Variants in AGMO observed in about 807,000 individuals in gnomAD.
AGMO encodes alkylglycerol monooxygenase, also known as glyceryl-ether monooxygenase.
In AGMO, 75 loss-of-function variants were observed where a neutral mutation model predicts 60.2. The ratio of observed to expected loss-of-function variants is 1.25; its 90% CI spans 1.03 to 1.51. The LOEUF (loss-of-function observed/expected upper bound fraction) is 1.51, where lower values mean the gene tolerates loss of function less well. AGMO is among the 40% of genes most tolerant of loss of function. The pLI, the probability that AGMO is intolerant of heterozygous loss-of-function variation, is 0.00. For synonymous variants in AGMO, 261 were observed against 177.1 expected, an observed-to-expected ratio of 1.47 and a Z score of -3.76; for missense variants, 763 against 525.5, an observed-to-expected ratio of 1.45 and a Z score of -4.42.
intron 12 of AGMO, among the ~76,000 whole-genome samples, chr7:15,332,922 C>A (rs1322548219): frequency 6.6e-6 from 1 of 152,018 alleles, no homozygotes. Flanking sequence ...TTTCATGATG[C>A]TTCCTGGGCA....
intron 12 of AGMO, among the ~76,000 whole-genome samples, chr7:15,241,226 C>A (rs573646416): frequency 6.6e-6 from 1 of 151,558 alleles, no homozygotes; most frequent in East Asian, 1.9e-4. Context: ...TTTGGGAGGC[C>A]GAGGCGGGCG....
the AGMO span, among the ~76,000 whole-genome samples, chr7:15,190,335 A>G: frequency 0.058 from 8,786 of 151,074 alleles, 836 homozygotes; most frequent in African/African-American, 0.2. Context: ...CCAAAAGAAT[A>G]AAAGGAAGGC....
intron 12 of AGMO, among the ~76,000 whole-genome samples, chr7:15,303,468 A>C (rs1395215822): frequency 6.6e-6 from 1 of 151,960 alleles, no homozygotes; most frequent in Admixed American, 6.6e-5. Context: ...GGTGGTGAAC[A>C]TCTGGGGTGG....
the AGMO span, among the ~76,000 whole-genome samples, chr7:15,133,666 T>C: frequency 2.0e-5 from 3 of 152,172 alleles, no homozygotes; most frequent in African/African-American, 7.2e-5. Context: ...ACGCAGAGGA[T>C]GGTGATATAT....
chr7:15,391,002 G>C (rs988227673), intron 6 of AGMO, 97 bp from the exon 7 acceptor site: 12 of 737,516 alleles, frequency 1.6e-5, no homozygotes, highest in Non-Finnish European at 2.6e-5. Flanking sequence ...ATAAAATTCA[G>C]ATTTAAACAG....
chr7:15,240,237 G>A (rs1404486724), intron 12 of AGMO, among the ~76,000 whole-genome samples: 4 of 152,126 alleles, frequency 2.6e-5, no homozygotes, highest in Non-Finnish European at 4.4e-5. Context: ...GACAAGTTAA[G>A]TTTGAATTGT....
intron 5 of AGMO, among the ~76,000 whole-genome samples, chr7:15,413,686 C>T (rs1780677492): frequency 6.6e-6 from 1 of 151,566 alleles, no homozygotes; most frequent in Non-Finnish European, 1.5e-5. Flanking sequence ...GAAAAAAATG[C>T]AACAAAGGAA....
At chr7:15,478,537 A>G (rs964719163) in intron 3 of AGMO, among the ~76,000 whole-genome samples, 1 of 152,150 alleles carries the variant, frequency 6.6e-6, no homozygotes, top group African/African-American at 2.4e-5. Flanking sequence ...TGTGCTCACA[A>G]TGTGGCTGTG....
At chr7:15,320,025 C>T (rs1034067006) in intron 12 of AGMO, among the ~76,000 whole-genome samples, 3 of 151,878 alleles carry the variant, frequency 2.0e-5, no homozygotes, top group East Asian at 1.9e-4. Context: ...AAACCAAACA[C>T]CGCATGTTGT....
chr7:15,382,043 G>A (rs1253238919), intron 10 of AGMO, among the ~76,000 whole-genome samples: 1 of 151,962 alleles, frequency 6.6e-6, no homozygotes, highest in Non-Finnish European at 1.5e-5. Context: ...GTGGGAGGAG[G>A]AAGAGGATTT....
intron 3 of AGMO, among the ~76,000 whole-genome samples, chr7:15,497,776 A>G (rs1783271157): frequency 6.6e-6 from 1 of 152,076 alleles, no homozygotes; most frequent in South Asian, 2.1e-4. Context: ...AAGCCTACAA[A>G]AATCAACATA....
intron 2 of AGMO, among the ~76,000 whole-genome samples, chr7:15,550,427 A>C (rs2115295907): frequency 6.6e-6 from 1 of 152,306 alleles, no homozygotes; most frequent in African/African-American, 2.4e-5. Flanking sequence ...TAGCAAGACT[A>C]ATAAAGAAGA....
intron 12 of AGMO, among the ~76,000 whole-genome samples, chr7:15,221,670 T>C (rs555845686): frequency 2.0e-5 from 3 of 152,266 alleles, no homozygotes; most frequent in South Asian, 4.1e-4. Context: ...AAAATGAGCA[T>C]ATGGAAGCTC....
the AGMO span, among the ~76,000 whole-genome samples, chr7:15,191,917 G>A: frequency 2.0e-5 from 3 of 151,698 alleles, no homozygotes; most frequent in Admixed American, 2.0e-4. Context: ...TAGAGTGATT[G>A]TCTAAATCAT....
chr7:15,309,233 T>A, intron 12 of AGMO, among the ~76,000 whole-genome samples: 1 of 152,302 alleles, frequency 6.6e-6, no homozygotes, highest in Admixed American at 6.5e-5. Flanking sequence ...ACTATCGTTA[T>A]CCTTACTGAG....
chr7:15,133,899 C>T, the AGMO span, among the ~76,000 whole-genome samples: 1 of 152,150 alleles, frequency 6.6e-6, no homozygotes, highest in Non-Finnish European at 1.5e-5. Context: ...TCATCTTTGC[C>T]TCCAAACTGG....
chr7:15,508,744 AG>A (rs1358460394), intron 3 of AGMO, among the ~76,000 whole-genome samples: 1 of 151,954 alleles, frequency 6.6e-6, no homozygotes. Flanking sequence ...AAAAAAAAAA[AG>A]TTTTTTTAAC....
chr7:15,206,813 C>T (rs1250820372), intron 12 of AGMO, among the ~76,000 whole-genome samples: 1 of 152,052 alleles, frequency 6.6e-6, no homozygotes, highest in Non-Finnish European at 1.5e-5. Flanking sequence ...ACAAAATACA[C>T]ATTAAAACAG....
Position 15,561,791 on chromosome 7 carries a change from A to G in AGMO, c.55T>C (p.Leu19=). The change falls in exon 1 of 13, where the codon TTG becomes CTG. Residue 19 remains leucine, a synonymous_variant. Coordinates refer to ENST00000342526, the MANE Select transcript of AGMO (RefSeq NM_001004320.2). The part of the protein sequence containing the change: ...DVSVSQGFRM[L]FYTMKPSETS... ...TCACTGGGTTTCATCGTGTAAAACAACATGCGAAATCCCTGGGAAACTGAA... is the reference window on the plus strand; with the variant it reads ...TCACTGGGTTTCATCGTGTAAAACAGCATGCGAAATCCCTGGGAAACTGAA... The G allele has an allele frequency of 1.2e-6, 2 of 1,611,744 alleles. No individual in the cohort carries two copies. Among genetic ancestry groups the G allele is most frequent in the Non-Finnish European group, 1.7e-6 (2 of 1,178,466 alleles).
Sources: allele counts gnomAD v4.1 joint callset (sites outside exome capture counted in the v4.1 genomes callset), GRCh38; gene constraint gnomAD v4.1.1; transcripts MANE v1.5; gene names NCBI Gene and HGNC (gene_info 2026-07-23, HGNC 2026-07-21).